The following TMEM9B variants were observed in gnomAD, a reference collection of about 807,000 sequenced individuals.
TMEM9B encodes transmembrane protein 9B.
Under a neutral mutation model 23.5 loss-of-function variants are expected in TMEM9B, and 8 were observed. The observed-to-expected ratio is 0.34, with a 90% CI of 0.20 to 0.61. The LOEUF (loss-of-function observed/expected upper bound fraction) is 0.61, where lower values mean the gene tolerates loss of function less well. TMEM9B is among the 20% of genes least tolerant of loss of function. The pLI is 0.78. For missense variants in TMEM9B, 197 were observed against 252.3 expected (o/e 0.78, Z 1.49); for synonymous variants, 106 against 96.3 (o/e 1.10, Z -0.59).
intron 4 of TMEM9B, among the ~76,000 whole-genome samples, chr11:8,949,797 C>A (rs113762764): frequency 0.022 from 3,326 of 151,710 alleles, 117 homozygotes; most frequent in Admixed American, 0.096. Context: ...ATGGCTTGTA[C>A]AAATCCTAAA....
chr11:8,959,553 A>C (rs757012290), intron 2 of TMEM9B, among the ~76,000 whole-genome samples: 17 of 152,230 alleles, frequency 1.1e-4, no homozygotes, highest in Non-Finnish European at 2.1e-4. Flanking sequence ...CCTAAGAATG[A>C]CTTGGGAATT....
At chr11:8,958,063 A>C (rs1432148134) in intron 2 of TMEM9B, among the ~76,000 whole-genome samples, 1 of 146,994 alleles carries the variant, frequency 6.8e-6, no homozygotes, top group African/African-American at 2.5e-5. Flanking sequence ...GGAGGCTGAG[A>C]CTTGAGAATC....
At chr11:8,950,573 A>G (rs997578695) in intron 4 of TMEM9B, among the ~76,000 whole-genome samples, 9 of 152,244 alleles carry the variant, frequency 5.9e-5, no homozygotes, top group Non-Finnish European at 1.0e-4. Context: ...TCTGCTCTCT[A>G]TCCATCAGAA....
intron 3 of TMEM9B, among the ~76,000 whole-genome samples, chr11:8,955,566 C>T (rs1049169446): frequency 6.6e-6 from 1 of 152,294 alleles, no homozygotes; most frequent in South Asian, 2.1e-4. Context: ...GAGCATGCAG[C>T]CTAGATCCCT....
intron 3 of TMEM9B, among the ~76,000 whole-genome samples, chr11:8,954,292 T>C (rs72852790): frequency 0.09 from 12,728 of 141,140 alleles, 738 homozygotes; most frequent in South Asian, 0.28. Context: ...GTGGGAATGT[T>C]CTGAAACTGG....
At chr11:8,964,618 T>G, upstream of TMEM9B, 1 of 492,086 alleles carries the variant, frequency 2.0e-6, no homozygotes, top group Non-Finnish European at 3.2e-6. Context: ...AGTAGAGCTT[T>G]GCATCTCTTG....
chr11:8,961,939 C>G (rs1414398722), intron 2 of TMEM9B, among the ~76,000 whole-genome samples, 153 bp downstream of exon 2: 1 of 152,194 alleles, frequency 6.6e-6, no homozygotes, highest in Non-Finnish European at 1.5e-5. Flanking sequence ...CGTAGGGCCT[C>G]ACTCTCACTT....
upstream of TMEM9B, chr11:8,964,645 G>A: frequency 5.7e-6 from 2 of 352,128 alleles, no homozygotes; most frequent in Non-Finnish European, 4.8e-6. Flanking sequence ...TTTCCCGGGC[G>A]CAGAAGCTGC....
intron 2 of TMEM9B, among the ~76,000 whole-genome samples, chr11:8,959,438 C>G (rs901009168): frequency 6.6e-6 from 1 of 152,148 alleles, no homozygotes; most frequent in Non-Finnish European, 1.5e-5. Flanking sequence ...GGACCAGAAT[C>G]CAGGACTCCT....
intron 4 of TMEM9B, among the ~76,000 whole-genome samples, chr11:8,952,010 G>A (rs546363757): frequency 1.3e-5 from 2 of 152,170 alleles, no homozygotes; most frequent in African/African-American, 4.8e-5. Context: ...CTGGGAGGCT[G>A]AGGCAGGAGA....
chr11:8,949,870 C>A, intron 4 of TMEM9B, among the ~76,000 whole-genome samples: 1 of 149,296 alleles, frequency 6.7e-6, no homozygotes. Context: ...CTATATTGCC[C>A]AGACTGGCCA....
Position 8,957,647 on chromosome 11 carries a change from A to AT in TMEM9B, c.198-1350dup. On this transcript the variant is annotated intron_variant, in intron 2 of 4. Transcript: ENST00000534025. This position sits in a 1 kb window ranked among gnomAD's most constrained non-coding sequence, Gnocchi z 4.3. ...ACAAAGTTACAGCTTGGTGGGAGGA[A>AT]TAAGTTCTAGTGTTCTATATCCCTG... Among the ~76,000 whole-genome samples, 1 of 152,352 alleles carries AT rather than the reference A, an allele frequency of 6.6e-6. No individual in the cohort carries two copies. The highest frequency in any genetic ancestry group is 1.5e-5 in the Non-Finnish European group (1 of 68,026).
At chr11:8,958,612 G>T (rs140324193) in intron 2 of TMEM9B, among the ~76,000 whole-genome samples, 12,477 of 142,024 alleles carry the variant, frequency 0.088, 718 homozygotes, top group South Asian at 0.26. Flanking sequence ...CACTCTTGTT[G>T]CCCAGGCTGG....
intron 4 of TMEM9B, 82 bp downstream of exon 4, chr11:8,953,121 A>G (rs759244262): frequency 1.3e-6 from 2 of 1,547,970 alleles, no homozygotes; most frequent in African/African-American, 2.7e-5. Flanking sequence ...GAACATCTAT[A>G]TATGACTATT....
chr11:8,960,708 G>A (rs1230988974), intron 2 of TMEM9B, among the ~76,000 whole-genome samples: 5 of 150,522 alleles, frequency 3.3e-5, no homozygotes, highest in African/African-American at 1.2e-4. Flanking sequence ...TTGAGCTAGG[G>A]TCTCGCTCTG....
chr11:8,948,833 T>C (rs1853824239), intron 4 of TMEM9B, among the ~76,000 whole-genome samples: 1 of 152,236 alleles, frequency 6.6e-6, no homozygotes. Context: ...ATTTTCATGT[T>C]AACATCTCTC....
chr11:8,963,814 T>C (rs1358543104), intron 1 of TMEM9B, among the ~76,000 whole-genome samples: 1 of 151,060 alleles, frequency 6.6e-6, no homozygotes, highest in East Asian at 2.0e-4. Context: ...GCGGGGCCTG[T>C]GAGGCTGGCG....
intron 2 of TMEM9B, among the ~76,000 whole-genome samples, chr11:8,959,078 T>A (rs1025385969): frequency 1.3e-5 from 2 of 152,092 alleles, no homozygotes; most frequent in Admixed American, 6.5e-5. Context: ...CCATAACAGG[T>A]GTTATCTATC....
At chr11:8,952,924 A>C in intron 4 of TMEM9B, 1 of 573,128 alleles carries the variant, frequency 1.7e-6, no homozygotes. Context: ...TTCTCAATGT[A>C]AACAGGGAAT....
Sources: allele counts gnomAD v4.1 joint callset (sites outside exome capture counted in the v4.1 genomes callset), GRCh38; gene constraint gnomAD v4.1.1; non-coding constraint Gnocchi (gnomAD v3.1); transcripts MANE v1.5; gene names NCBI Gene and HGNC (gene_info 2026-07-23, HGNC 2026-07-21).